AGAP1: variants seen among roughly 807,000 people sequenced by gnomAD.
AGAP1 encodes ArfGAP with GTPase domain, ankyrin repeat and PH domain 1.
Under a neutral mutation model 105.3 loss-of-function variants are expected in AGAP1, and 29 were observed. The observed-to-expected ratio is 0.28, with a 90% CI of 0.21 to 0.38. The LOEUF (loss-of-function observed/expected upper bound fraction) is 0.38, where lower values mean the gene tolerates loss of function less well. Among genes scored for constraint, AGAP1 ranks in the 10% least tolerant of loss-of-function variants. The pLI, the probability that AGAP1 is intolerant of heterozygous loss-of-function variation, is 1.00. For missense variants in AGAP1, 998 were observed against 1,165.1 expected (o/e 0.86, Z 2.09); for synonymous variants, 509 against 485.9 (o/e 1.05, Z -0.63).
At position 235,789,798 on chromosome 2, in the gene AGAP1, G is replaced by A. The variant is rs1241892727; in HGVS notation, c.674-7961G>A. ...CATGTCCTAATGACTTACTCGAGCA[G>A]TTGAATCTTGGCCACAGCTTCTCAT... On this transcript the variant is annotated intron_variant, in intron 6 of 17. Transcript: ENST00000304032. The surrounding 1 kb of genome is among the most constrained non-coding windows in gnomAD (Gnocchi z 4.2). Among the ~76,000 whole-genome samples the A allele has an allele frequency of 6.6e-6, 1 of 152,210 alleles. No individual in the cohort carries two copies. Among genetic ancestry groups the A allele is most frequent in the East Asian group, 1.9e-4 (1 of 5,194 alleles).
At chr2:235,935,090 C>T (rs1430292069) in intron 12 of AGAP1, among the ~76,000 whole-genome samples, 3 of 152,118 alleles carry the variant, frequency 2.0e-5, no homozygotes, top group South Asian at 2.1e-4. Flanking sequence ...GAATCCATTT[C>T]GTGAAATGGA....
rs1950476929 is a variant in AGAP1 at position 235,705,129 on chromosome 2, C to T, written c.164-4050C>T. On this transcript the variant is annotated intron_variant, in intron 1 of 17. Coordinates refer to ENST00000304032, the MANE Select transcript of AGAP1 (RefSeq NM_001037131.3). The surrounding 1 kb of genome is among the most constrained non-coding windows in gnomAD (Gnocchi z 4.9). ...GAGCAGCTGGGATTACAATCATGTG[C>T]CACCACGCCTGGCTAATTTTTGTAT... Among the ~76,000 whole-genome samples the T allele has an allele frequency of 6.6e-6, 1 of 152,026 alleles. No individual in the cohort carries two copies. The highest frequency in any genetic ancestry group is 1.5e-5 in the Non-Finnish European group (1 of 67,990).
intron 10 of AGAP1, among the ~76,000 whole-genome samples, chr2:235,898,479 C>G (rs1413178728): frequency 7.6e-6 from 1 of 131,422 alleles, no homozygotes; most frequent in African/African-American, 2.8e-5. Context: ...GGTTCCCCCC[C>G]CCACCCCCAC....
rs959096369 is a variant in AGAP1 at position 235,659,309 on chromosome 2, C to A, written c.164-49870C>A. 6.6e-6 allele frequency among the ~76,000 whole-genome samples: 1 copy of A among 152,168 alleles called. No homozygotes were observed. Among genetic ancestry groups the A allele is most frequent in the African/African-American group, 2.4e-5 (1 of 41,432 alleles). ...AATAATAGTACCTACCTCTCTGTGGCACTTTGGGGGTAGAATGGATGAACT... is the reference window on the plus strand; with the variant it reads ...AATAATAGTACCTACCTCTCTGTGGAACTTTGGGGGTAGAATGGATGAACT... On this transcript the variant is annotated intron_variant, in intron 1 of 17. Coordinates refer to ENST00000304032, the MANE Select transcript of AGAP1 (RefSeq NM_001037131.3). The surrounding 1 kb of genome is among the most constrained non-coding windows in gnomAD (Gnocchi z 5.0).
intron 13 of AGAP1, among the ~76,000 whole-genome samples, chr2:236,033,821 T>C (rs1031877094): frequency 3.3e-5 from 5 of 152,224 alleles, no homozygotes; most frequent in Non-Finnish European, 7.3e-5. Context: ...AGCCAGACAT[T>C]TGAGCAGGAA....
rs2055012442 is a variant in AGAP1 at position 235,979,769 on chromosome 2, A to G, written c.1645+11146A>G. 1.3e-5 allele frequency among the ~76,000 whole-genome samples: 2 copies of G among 152,250 alleles called. No homozygotes were observed. Among genetic ancestry groups the G allele is most frequent in the Non-Finnish European group, 2.9e-5 (2 of 68,042 alleles). ...AATCAATGACATTGTATCAGAGTTC[A>G]TGAAAAGTGCCTACTGCACACAGTT... On this transcript the variant is annotated intron_variant, in intron 13 of 17. Coordinates refer to ENST00000304032, the MANE Select transcript of AGAP1 (RefSeq NM_001037131.3). This position sits in a 1 kb window ranked among gnomAD's most constrained non-coding sequence, Gnocchi z 4.5.
At chr2:235,886,967 T>C (rs578037750) in intron 10 of AGAP1, among the ~76,000 whole-genome samples, 1 of 152,126 alleles carries the variant, frequency 6.6e-6, no homozygotes, top group East Asian at 1.9e-4. Flanking sequence ...TGGTTCAAAA[T>C]GGGAAGAGGC....
At position 235,754,334 on chromosome 2, in the gene AGAP1, T is replaced by TA. The variant is rs2149734736; in HGVS notation, c.673+3847dup. Among the ~76,000 whole-genome samples, 1 of 152,320 alleles carries TA rather than the reference T, an allele frequency of 6.6e-6. No homozygotes were observed. Among genetic ancestry groups the TA allele is most frequent in the South Asian group, 2.1e-4 (1 of 4,818 alleles). ...CTGGCTTCTTTTTTGCCCTAGGGCT[T>TA]ACTTTGTTTATTTACTTTTTATACC... is the stretch of plus-strand genomic sequence containing the variant. On this transcript the variant is annotated intron_variant, in intron 6 of 17. Coordinates refer to ENST00000304032, the MANE Select transcript of AGAP1 (RefSeq NM_001037131.3). The surrounding 1 kb of genome is among the most constrained non-coding windows in gnomAD (Gnocchi z 4.6).
rs546241613 is a variant in AGAP1 at position 235,862,663 on chromosome 2, TTTTC to T, written c.1051-20674_1051-20671del. ...CATGGCTGTTTGTCTGCATAAACCTTTTTCTTTCTTTAATCAGGAGGAAAGTGAG... is the reference window on the plus strand; with the variant it reads ...CATGGCTGTTTGTCTGCATAAACCTTTTTCTTTAATCAGGAGGAAAGTGAG... On this transcript the variant is annotated intron_variant, in intron 9 of 17. Coordinates refer to ENST00000304032, the MANE Select transcript of AGAP1 (RefSeq NM_001037131.3). Among the ~76,000 whole-genome samples the T allele has an allele frequency of 2.2e-4, 33 of 152,338 alleles. No homozygotes were observed. The South Asian group carries it at 6.0e-3, about 28-fold the overall frequency.
rs1232465594 is a variant in AGAP1, at chr2:236,087,527, G to A, written c.2115-32665G>A. Among the ~76,000 whole-genome samples the A allele has an allele frequency of 6.6e-6, 1 of 152,196 alleles. No homozygotes were observed. Among genetic ancestry groups the A allele is most frequent in the East Asian group, 1.9e-4 (1 of 5,186 alleles). ...GAAATGGCAAATGCGGTGTAGGACTGTGGTGCACACTGCCCATGACGGGCT... is the reference window on the plus strand; with the variant it reads ...GAAATGGCAAATGCGGTGTAGGACTATGGTGCACACTGCCCATGACGGGCT... On this transcript the variant is annotated intron_variant, in intron 16 of 17. Transcript: ENST00000304032. The surrounding 1 kb of genome is among the most constrained non-coding windows in gnomAD (Gnocchi z 5.7).
At chr2:235,950,122 G>C (rs748066352) in intron 12 of AGAP1, among the ~76,000 whole-genome samples, 1 of 152,176 alleles carries the variant, frequency 6.6e-6, no homozygotes, top group Non-Finnish European at 1.5e-5. Context: ...TGCTGGAGTT[G>C]GAGAGCGCAG....
chr2:235,571,932 T>TTGTGTGTGTG (rs141898525), intron 1 of AGAP1, among the ~76,000 whole-genome samples: 3,911 of 103,586 alleles, frequency 0.038, 164 homozygotes, highest in African/African-American at 0.073. Flanking sequence ...TGCCCACACT[T>TTGTGTGTGTG]TGTGTGTGTG....
rs1055476359 is a variant in AGAP1 at position 235,623,215 on chromosome 2, A to T, written c.164-85964A>T. Among the ~76,000 whole-genome samples the T allele has an allele frequency of 6.6e-6, 1 of 152,142 alleles. No individual in the cohort carries two copies. Among genetic ancestry groups the T allele is most frequent in the Non-Finnish European group, 1.5e-5 (1 of 68,034 alleles). On this transcript the variant is annotated intron_variant, in intron 1 of 17. Transcript: ENST00000304032. This position sits in a 1 kb window ranked among gnomAD's most constrained non-coding sequence, Gnocchi z 4.5. ...CTGCAGAAACAATGCATCTGAACGG[A>T]TGGACTGTTTTGGAGATTTATGCGT...
rs115767797 is a variant in AGAP1, at chr2:235,842,406, C to G, written c.1050+35075C>G. Among the ~76,000 whole-genome samples, 338 of 152,310 alleles carry G rather than the reference C, an allele frequency of 2.2e-3. 2 individuals carry two copies. The highest frequency in any genetic ancestry group is 7.6e-3 in the African/African-American group (317 of 41,564). ...CATGTTCACAGCGCATTGCCGTTGT[C>G]CCAGATAATTGAATAGGTTGTTTTC... On this transcript the variant is annotated intron_variant, in intron 9 of 17. Transcript: ENST00000304032. This position sits in a 1 kb window ranked among gnomAD's most constrained non-coding sequence, Gnocchi z 5.3.
intron 1 of AGAP1, among the ~76,000 whole-genome samples, chr2:235,571,314 A>G (rs1439410330): frequency 2.6e-5 from 4 of 152,234 alleles, no homozygotes; most frequent in Non-Finnish European, 4.4e-5. Flanking sequence ...ATAGTAAAAC[A>G]TTTTATGAAT....
rs1188872670 is a variant in AGAP1 at position 236,000,423 on chromosome 2, G to A, written c.1645+31800G>A. Among the ~76,000 whole-genome samples the A allele has an allele frequency of 2.6e-5, 4 of 152,128 alleles. No individual in the cohort carries two copies. The highest frequency in any genetic ancestry group is 2.1e-4 in the South Asian group (1 of 4,826). On this transcript the variant is annotated intron_variant, in intron 13 of 17. Transcript: ENST00000304032. This position sits in a 1 kb window ranked among gnomAD's most constrained non-coding sequence, Gnocchi z 4.3. ...ACTTTCTGTACAAAAATCACTACGCGTGACAGCTCAAATAATAAACAGTTG... is the reference window on the plus strand; with the variant it reads ...ACTTTCTGTACAAAAATCACTACGCATGACAGCTCAAATAATAAACAGTTG...
rs1049811473 is a variant in AGAP1, at chr2:236,082,022, A to G, written c.2114+32741A>G. 1.5e-4 allele frequency among the ~76,000 whole-genome samples: 23 copies of G among 152,224 alleles called. No individual in the cohort carries two copies. Among genetic ancestry groups the G allele is most frequent in the African/African-American group, 3.9e-4 (16 of 41,454 alleles). The stretch of plus-strand genomic sequence containing the variant: ...ATATAGCACGCCTAGTCACTAATCC[A>G]AAAGGAATGTGAAAAAAGAGTTGTT... On this transcript the variant is annotated intron_variant, in intron 16 of 17. Transcript: ENST00000304032. This position sits in a 1 kb window ranked among gnomAD's most constrained non-coding sequence, Gnocchi z 4.2.
intron 9 of AGAP1, among the ~76,000 whole-genome samples, chr2:235,826,610 C>T (rs1365348310): frequency 6.6e-6 from 1 of 152,048 alleles, no homozygotes; most frequent in African/African-American, 2.4e-5. Flanking sequence ...CCACCACACC[C>T]AGCTAATTTT....
intron 9 of AGAP1, among the ~76,000 whole-genome samples, chr2:235,818,550 C>T (rs1467004277): frequency 6.6e-6 from 1 of 152,242 alleles, no homozygotes; most frequent in African/African-American, 2.4e-5. Flanking sequence ...TCAAGCTATT[C>T]TTCTGCCTCA....
Sources: allele counts gnomAD v4.1 joint callset (sites outside exome capture counted in the v4.1 genomes callset), GRCh38; gene constraint gnomAD v4.1.1; non-coding constraint Gnocchi (gnomAD v3.1); transcripts MANE v1.5; gene names NCBI Gene and HGNC (gene_info 2026-07-23, HGNC 2026-07-21).